Variants in CHD1L observed in about 807,000 individuals in gnomAD.
The protein encoded by CHD1L is ATP-dependent chromatin remodeler CHD1L.
CHD1L carries 118 observed loss-of-function variants against 115.9 expected under a neutral mutation model. The observed-to-expected ratio is 1.02, with a 90% CI of 0.88 to 1.19. CHD1L has a LOEUF of 1.19. CHD1L is among the 50% of genes most tolerant of loss of function. CHD1L has a pLI of 0.00. For missense variants in CHD1L, 1,179 were observed against 1,065.3 expected, an observed-to-expected ratio of 1.11 and a Z score of -1.49; for synonymous variants, 411 against 387.1, an observed-to-expected ratio of 1.06 and a Z score of -0.72.
the CHD1L span, among the ~76,000 whole-genome samples, chr1:147,227,985 T>C: frequency 6.7e-6 from 1 of 148,984 alleles, no homozygotes; most frequent in Admixed American, 6.8e-5. Flanking sequence ...CGATCTTGGC[T>C]CACTGCAAGC....
chr1:147,186,840 T>A, the CHD1L span: 1 of 1,547,112 alleles, frequency 6.5e-7, no homozygotes, highest in Non-Finnish European at 8.7e-7. Context: ...TCTCGTCAGA[T>A]TCTGAAGGCA....
At chr1:147,198,038 T>C in the CHD1L span, among the ~76,000 whole-genome samples, 1 of 152,098 alleles carries the variant, frequency 6.6e-6, no homozygotes, top group Non-Finnish European at 1.5e-5. Flanking sequence ...CTAAAGCAGG[T>C]TGTATCTGTG....
chr1:147,277,406 C>T (rs1375911871), intron 14 of CHD1L, among the ~76,000 whole-genome samples: 2 of 152,176 alleles, frequency 1.3e-5, no homozygotes, highest in African/African-American at 4.8e-5. Flanking sequence ...ACCGTATCTG[C>T]AAAGGCCAGT....
intron 8 of CHD1L, 69 bp from the exon 9 acceptor site, chr1:147,267,357 A>G: frequency 8.7e-7 from 1 of 1,153,572 alleles, no homozygotes; most frequent in Non-Finnish European, 1.3e-6. Context: ...GTAAAAACTC[A>G]GGGTTTTGGT....
chr1:147,256,719 C>T (rs950752586), intron 5 of CHD1L, among the ~76,000 whole-genome samples, 157 bp downstream of exon 5: 1 of 152,164 alleles, frequency 6.6e-6, no homozygotes, highest in Non-Finnish European at 1.5e-5. Context: ...CCTGTGTTTA[C>T]AGTCCTCTAC....
At chr1:147,290,621 C>G (rs1685144914) in intron 19 of CHD1L, among the ~76,000 whole-genome samples, 2 of 151,990 alleles carry the variant, frequency 1.3e-5, no homozygotes, top group Admixed American at 1.3e-4. Context: ...TTAGAACCTT[C>G]CCTTCATGGC....
the CHD1L span, among the ~76,000 whole-genome samples, chr1:147,231,038 C>A: frequency 1.3e-5 from 2 of 151,912 alleles, no homozygotes; most frequent in Non-Finnish European, 2.9e-5. Context: ...TTATTTCTTG[C>A]CTTCTGCTAG....
the CHD1L span, among the ~76,000 whole-genome samples, chr1:147,177,151 G>A: frequency 6.6e-6 from 1 of 151,856 alleles, no homozygotes; most frequent in African/African-American, 2.4e-5. Flanking sequence ...CTGGGGCAGG[G>A]GATATACAAG....
At chr1:147,254,763 A>T in intron 2 of CHD1L, 107 bp from the exon 3 acceptor site, 1 of 654,910 alleles carries the variant, frequency 1.5e-6, no homozygotes, top group Non-Finnish European at 2.5e-6. Flanking sequence ...TCTTTGTAAA[A>T]CAAGTCTTAA....
chr1:147,211,819 T>C, the CHD1L span, among the ~76,000 whole-genome samples: 1 of 152,232 alleles, frequency 6.6e-6, no homozygotes, highest in African/African-American at 2.4e-5. Context: ...GTTACCTAAC[T>C]GTATGCAAAG....
chr1:147,179,992 AT>A, the CHD1L span, among the ~76,000 whole-genome samples: 10 of 151,082 alleles, frequency 6.6e-5, no homozygotes, highest in Non-Finnish European at 1.2e-4. Context: ...GGTTTACTTA[AT>A]CGTATAATAT....
At chr1:147,275,800 AGAT>A (rs1678209610) in intron 13 of CHD1L, among the ~76,000 whole-genome samples, 5 of 149,172 alleles carry the variant, frequency 3.4e-5, no homozygotes, top group African/African-American at 9.9e-5. Context: ...AAAAAAAGAA[AGAT>A]AGATGTTGCC....
chr1:147,258,385 A>G (rs1218876998), intron 5 of CHD1L, among the ~76,000 whole-genome samples: 3 of 152,198 alleles, frequency 2.0e-5, no homozygotes, highest in Non-Finnish European at 2.9e-5. Context: ...TTGGACACCT[A>G]AATGTCTAGT....
At chr1:147,186,871 T>C in the CHD1L span, 1 of 1,583,654 alleles carries the variant, frequency 6.3e-7, no homozygotes. Flanking sequence ...AGCTTCCCAA[T>C]GAAAAACAGG....
At chr1:147,248,752 C>T (rs1667431563) in intron 1 of CHD1L, among the ~76,000 whole-genome samples, 2 of 151,912 alleles carry the variant, frequency 1.3e-5, no homozygotes, top group South Asian at 2.1e-4. Context: ...TGTAAATGTA[C>T]GTATGTGTGT....
At chr1:147,262,988 A>C in intron 6 of CHD1L, among the ~76,000 whole-genome samples, 1 of 152,172 alleles carries the variant, frequency 6.6e-6, no homozygotes, top group East Asian at 1.9e-4. Context: ...TTATTTAAAA[A>C]GTCAAAATGT....
chr1:147,212,305 C>T, the CHD1L span: 42,903 of 1,358,594 alleles, frequency 0.032, 1,016 homozygotes, highest in South Asian at 0.09. Flanking sequence ...TGCAGGTATC[C>T]CTATTCTCTG....
chr1:147,256,429 T>A, intron 4 of CHD1L, 102 bp from the exon 5 acceptor site: 2 of 1,024,766 alleles, frequency 2.0e-6, no homozygotes, highest in African/African-American at 1.6e-5. Flanking sequence ...CAAATGAGAC[T>A]TAGATAAATC....
At chr1:147,246,859 C>A (rs1480644256) in intron 1 of CHD1L, among the ~76,000 whole-genome samples, 1 of 151,904 alleles carries the variant, frequency 6.6e-6, no homozygotes, top group Admixed American at 6.6e-5. Flanking sequence ...TCAATTTTTT[C>A]TCTTATGGAT....
Sources: gnomAD v4.1 joint callset for allele counts (sites outside exome capture counted in the v4.1 genomes callset) on GRCh38, gnomAD v4.1.1 for gene constraint, MANE v1.5 for transcripts, NCBI Gene and HGNC (gene_info 2026-07-23, HGNC 2026-07-21) for gene names.